FER: variants seen among roughly 807,000 people sequenced by gnomAD.
FER encodes the protein tyrosine-protein kinase Fer.
In FER, 63 loss-of-function variants were observed where a neutral mutation model predicts 111.0. That is an observed-to-expected ratio of 0.57 (90% CI 0.46 to 0.70). The LOEUF is 0.70. FER is among the 30% of genes least tolerant of loss of function. The pLI is 0.00. For synonymous variants in FER, 327 were observed against 313.9 expected, an observed-to-expected ratio of 1.04 and a Z score of -0.44; for missense variants, 914 against 954.0, an observed-to-expected ratio of 0.96 and a Z score of 0.55.
At chr5:108,774,492 A>G (rs1031078857) in intron 2 of FER, among the ~76,000 whole-genome samples, 16 of 152,250 alleles carry the variant, frequency 1.1e-4, no homozygotes, top group African/African-American at 3.9e-4. Flanking sequence ...GTCTTCCACA[A>G]TGGTTGAACT....
intron 17 of FER, among the ~76,000 whole-genome samples, chr5:109,178,142 T>C (rs1038108962): frequency 1.3e-5 from 2 of 152,218 alleles, no homozygotes; most frequent in African/African-American, 4.8e-5. Flanking sequence ...TTAATACTTA[T>C]TAGAATATTT....
At chr5:108,870,844 C>G (rs928418626) in intron 6 of FER, among the ~76,000 whole-genome samples, 5 of 151,976 alleles carry the variant, frequency 3.3e-5, no homozygotes, top group African/African-American at 1.2e-4. Flanking sequence ...GACATTTTTG[C>G]TACTGATTGG....
At chr5:109,097,399 G>C (rs1747674727) in intron 16 of FER, among the ~76,000 whole-genome samples, 1 of 149,496 alleles carries the variant, frequency 6.7e-6, no homozygotes, top group Admixed American at 6.7e-5. Flanking sequence ...TACAAAAGGG[G>C]TGTGAGTTAT....
chr5:108,798,057 C>T (rs576793284), intron 2 of FER, 67 bp from the exon 3 acceptor site: 245 of 482,878 alleles, frequency 5.1e-4, no homozygotes, highest in African/African-American at 4.1e-3. Context: ...TCTATCATAA[C>T]TTTTTTTTTT....
chr5:109,181,217 T>G (rs1758260446), intron 18 of FER, among the ~76,000 whole-genome samples: 1 of 152,150 alleles, frequency 6.6e-6, no homozygotes, highest in Admixed American at 6.5e-5. Flanking sequence ...TCTGGACCAT[T>G]TCTTTCGAAT....
At chr5:108,856,164 T>G (rs917990323) in intron 5 of FER, among the ~76,000 whole-genome samples, 2 of 152,128 alleles carry the variant, frequency 1.3e-5, no homozygotes, top group Non-Finnish European at 1.5e-5. Flanking sequence ...TTAGGAGAGA[T>G]GGAGAGATAT....
chr5:109,190,200 A>G lies in FER; in HGVS notation c.*2625A>G, dbSNP rs568801660. The G allele has an allele frequency of 1.3e-5, 2 of 152,302 alleles. No homozygotes were observed. Among genetic ancestry groups the G allele is most frequent in the East Asian group, 3.9e-4 (2 of 5,182 alleles). The allele number at this position is 152,302 out of a possible 1,614,324, so 9.4% of individuals were successfully genotyped here. A position where few individuals can be genotyped will look rare whatever the true frequency, so the allele number is the denominator to read the frequency against. On this transcript the variant is annotated 3_prime_UTR_variant, in exon 20 of 20. Coordinates refer to ENST00000281092, the MANE Select transcript of FER (RefSeq NM_005246.4). ...TAATCCATGCCCAGGAAGCACGAAC[A>G]TACTGTTCAGAATGTGCAAGTTGAT...
At chr5:108,810,255 C>T (rs920427675) in intron 3 of FER, among the ~76,000 whole-genome samples, 24 of 152,068 alleles carry the variant, frequency 1.6e-4, no homozygotes, top group African/African-American at 4.3e-4. Flanking sequence ...CAGTACATAG[C>T]GCTTATAGGT....
chr5:108,800,711 CTT>C (rs2150050941), intron 3 of FER, among the ~76,000 whole-genome samples: 1 of 152,264 alleles, frequency 6.6e-6, no homozygotes, highest in Admixed American at 6.5e-5. Flanking sequence ...TAAAGTCTAC[CTT>C]TTAAAAAGAG....
intron 1 of FER, among the ~76,000 whole-genome samples, chr5:108,753,051 A>T (rs959860875): frequency 3.3e-5 from 5 of 152,106 alleles, no homozygotes; most frequent in African/African-American, 9.7e-5. Flanking sequence ...TTTCTCATCT[A>T]TTCAATAGGG....
chr5:108,965,949 T>G (rs150348566), intron 13 of FER, among the ~76,000 whole-genome samples: 233 of 152,244 alleles, frequency 1.5e-3, no homozygotes, highest in African/African-American at 5.3e-3. Flanking sequence ...CTTAATAATA[T>G]AAAAGAACCC....
At chr5:108,969,616 T>TTTTTTTTTTTTTTTTTTTTTTTGA (rs1561695264) in intron 13 of FER, among the ~76,000 whole-genome samples, 2 of 149,050 alleles carry the variant, frequency 1.3e-5, no homozygotes, top group African/African-American at 2.6e-5. Context: ...TTAATTTTTT[T>TTTTTTTTTTTTTTTTTTTTTTTGA]GAACACTGTG....
intron 3 of FER, among the ~76,000 whole-genome samples, chr5:108,817,138 G>T (rs1290746832): frequency 2.3e-5 from 1 of 42,622 alleles, no homozygotes; most frequent in Non-Finnish European, 5.6e-5. Context: ...AAAAAAAAAA[G>T]CTTGCAGTTG....
At chr5:108,875,312 C>T (rs965537466) in intron 8 of FER, among the ~76,000 whole-genome samples, 1 of 152,030 alleles carries the variant, frequency 6.6e-6, no homozygotes, top group Non-Finnish European at 1.5e-5. Context: ...ACATTATTTT[C>T]GGGCTTAAAT....
chr5:109,149,915 A>G (rs1582266138), intron 17 of FER, among the ~76,000 whole-genome samples: 1 of 152,248 alleles, frequency 6.6e-6, no homozygotes, highest in South Asian at 2.1e-4. Flanking sequence ...AGGGAGCATT[A>G]CCGCCTGAGC....
chr5:109,125,671 T>C (rs912772621), intron 17 of FER, among the ~76,000 whole-genome samples: 6 of 152,234 alleles, frequency 3.9e-5, no homozygotes, highest in Non-Finnish European at 7.3e-5. Context: ...GTCTTAGTAG[T>C]AGCAGTATTG....
chr5:108,823,399 A>C (rs575417496), intron 3 of FER, among the ~76,000 whole-genome samples: 67 of 152,320 alleles, frequency 4.4e-4, no homozygotes, highest in African/African-American at 1.3e-3. Context: ...CATTTCCATC[A>C]ACAGTGTATA....
At chr5:108,816,602 C>T (rs1758306903) in intron 3 of FER, among the ~76,000 whole-genome samples, 1 of 152,144 alleles carries the variant, frequency 6.6e-6, no homozygotes, top group Non-Finnish European at 1.5e-5. Context: ...ATGCCTTTAA[C>T]CCCATTTGTC....
Position 109,190,497 on chromosome 5 carries a change from A to C in FER, c.*2922A>C, listed in dbSNP as rs999275201. ...CTTTATGAGACAGTTTAGGTTGTTC[A>C]TCATTTCACAAGGAAAGAAATTTTT... is the stretch of plus-strand genomic sequence containing the variant. On this transcript the variant is annotated 3_prime_UTR_variant, in exon 20 of 20. Transcript: ENST00000281092. 2 of 152,144 alleles carry C rather than the reference A, an allele frequency of 1.3e-5. No homozygotes were observed. Among genetic ancestry groups the C allele is most frequent in the African/African-American group, 2.4e-5 (1 of 41,442 alleles). The allele number at this position is 152,144 out of a possible 1,614,324, so 9.4% of individuals were successfully genotyped here.
Sources: gnomAD v4.1 joint callset for allele counts (sites outside exome capture counted in the v4.1 genomes callset) on GRCh38, gnomAD v4.1.1 for gene constraint, MANE v1.5 for transcripts, NCBI Gene and HGNC (gene_info 2026-07-23, HGNC 2026-07-21) for gene names.